Variants in H2BC12 observed in about 807,000 individuals in gnomAD.
The protein encoded by H2BC12 is histone H2B type 1-K.
H2BC12 carries 6 observed loss-of-function variants against 6.3 expected under a neutral mutation model. That is an observed-to-expected ratio of 0.95 (90% CI 0.52 to 1.87). The LOEUF (loss-of-function observed/expected upper bound fraction) is 1.87, where lower values mean the gene tolerates loss of function less well. H2BC12 is among the 40% of genes most tolerant of loss of function. The probability of loss-of-function intolerance (pLI) is 0.01; values close to 1 mark genes in which losing one functional copy is unlikely to be tolerated. For missense variants in H2BC12, 119 were observed against 178.4 expected, an observed-to-expected ratio of 0.67 and a Z score of 1.90; for synonymous variants, 132 against 78.5, an observed-to-expected ratio of 1.68 and a Z score of -3.60.
chr6:27,145,566 C>T (rs185594644), downstream of H2BC12, among the ~76,000 whole-genome samples: 306 of 152,306 alleles, frequency 2.0e-3, 2 homozygotes, highest in African/African-American at 6.7e-3. Flanking sequence ...TGGGGAAGTT[C>T]CCTTCTCCTC....
At chr6:27,146,346 C>G (rs528343118), downstream of H2BC12, 1 of 1,606,580 alleles carries the variant, frequency 6.2e-7, no homozygotes, top group Non-Finnish European at 8.5e-7. Flanking sequence ...GTTTACAGCT[C>G]TAATATCGAT....
the H2BC12 span, chr6:27,139,474 CGCG>C: frequency 6.2e-7 from 1 of 1,614,172 alleles, no homozygotes. Context: ...TGAGGAGACC[CGCG>C]GAGTGTTGAA....
chr6:27,146,716 T>C lies in H2BC12; in HGVS notation c.83A>G (p.Lys28Arg). 6.2e-7 allele frequency: 1 copy of C among 1,614,294 alleles called. No individual in the cohort carries two copies. The change falls in exon 1 of 1, where the codon AAG (lysine) becomes AGG (arginine). Residue 28 changes from lysine (K) to arginine (R), a missense_variant. Lys to Arg is a conservative substitution (Grantham distance 26). Around this residue, in one of 2 missense-constraint regions of H2BC12, gnomAD observed 50 missense variants for 37.4 expected, o/e 1.34. Coordinates refer to ENST00000356950, the MANE Select transcript of H2BC12 (RefSeq NM_001312653.2). ...CTCCTTGCGGCTGCGCTTGCGCTTC[T>C]TGCCGTCCTTCTTCTGCGCCTTAGT... Reference protein sequence around the residue: ...AVTKAQKKDGKKRKRSRKESY... With the variant: ...AVTKAQKKDGRKRKRSRKESY...
downstream of H2BC12, chr6:27,146,275 T>TA (rs1760078524): frequency 1.5e-6 from 2 of 1,376,734 alleles, no homozygotes; most frequent in East Asian, 4.6e-5. Context: ...CTCAGTGTGA[T>TA]AAGATCATGA....
At position 27,146,688 on chromosome 6, in the gene H2BC12, G is replaced by C. The variant is rs751499348; in HGVS notation, c.111C>G (p.Ser37Arg). The C allele has an allele frequency of 6.2e-7, 1 of 1,614,154 alleles. No homozygotes were observed. The highest frequency in any genetic ancestry group is 1.3e-5 in the African/African-American group (1 of 74,958). Residue 37 changes from serine to arginine, a missense_variant, in exon 1 of 1, where the codon AGC becomes AGG. Coordinates refer to ENST00000356950, the MANE Select transcript of H2BC12 (RefSeq NM_001312653.2). ...GCACCTTGTACACGTATACGGAGTA[G>C]CTCTCCTTGCGGCTGCGCTTGCGCT... Reference protein sequence around the residue: ...GKKRKRSRKESYSVYVYKVLK... With the variant: ...GKKRKRSRKERYSVYVYKVLK...
At position 27,146,502 on chromosome 6, in the gene H2BC12, C is replaced by T. The variant is rs1316989988; in HGVS notation, c.297G>A (p.Val99=). Residue 99 remains valine (V), a synonymous_variant, in exon 1 of 1, where the codon GTG becomes GTA. Coordinates refer to ENST00000356950, the MANE Select transcript of H2BC12 (RefSeq NM_001312653.2). ...TITSREIQTA[V]RLLLPGELAK... ...CCAACTCCCCGGGCAGCAGCAGGCGCACGGCCGTCTGGATCTCCCTGGAGG... is the reference window on the plus strand; with the variant it reads ...CCAACTCCCCGGGCAGCAGCAGGCGTACGGCCGTCTGGATCTCCCTGGAGG... 1 of 1,614,140 alleles carries T rather than the reference C, an allele frequency of 6.2e-7. No homozygotes were observed. Among genetic ancestry groups the T allele is most frequent in the African/African-American group, 1.3e-5 (1 of 74,948 alleles).
chr6:27,146,840 G>A lies in H2BC12; in HGVS notation c.-42C>T, dbSNP rs761253090. ...GAGCCTGAGACGAGCAGCAGATCGA[G>A]AAAACGGGAAGTAATGGGAGCAAGG... On this transcript the variant is annotated 5_prime_UTR_variant, in exon 1 of 1. Transcript: ENST00000356950. 6.2e-6 allele frequency: 10 copies of A among 1,602,324 alleles called. No homozygotes were observed. Among genetic ancestry groups the A allele is most frequent in the East Asian group, 2.2e-5 (1 of 44,830 alleles).
downstream of H2BC12, among the ~76,000 whole-genome samples, chr6:27,146,152 A>G (rs1233621474): frequency 6.6e-6 from 1 of 152,226 alleles, no homozygotes; most frequent in Non-Finnish European, 1.5e-5. Flanking sequence ...TTCTGTTAAC[A>G]CAAGTTTCCT....
At chr6:27,138,701 AC>A in the H2BC12 span, 3 of 152,208 alleles carry the variant, frequency 2.0e-5, no homozygotes, top group Non-Finnish European at 4.4e-5. Flanking sequence ...GGGAAGAGAA[AC>A]AGGACAAAGT....
chr6:27,140,871 A>G, the H2BC12 span, among the ~76,000 whole-genome samples: 225 of 151,622 alleles, frequency 1.5e-3, 1 homozygote, highest in Admixed American at 3.1e-3. Context: ...TTTTGTCAGT[A>G]TGTGACAAAT....
chr6:27,139,186 T>G, the H2BC12 span: 1 of 1,070,980 alleles, frequency 9.3e-7, no homozygotes, highest in South Asian at 1.7e-5. Context: ...TTAGGTCCCC[T>G]CCCCCAATGC....
At chr6:27,142,341 C>T (rs990869143), downstream of H2BC12, among the ~76,000 whole-genome samples, 20 of 151,732 alleles carry the variant, frequency 1.3e-4, no homozygotes, top group Non-Finnish European at 1.6e-4. Flanking sequence ...GGTGTGATCT[C>T]GGCTCACTGC....
downstream of H2BC12, among the ~76,000 whole-genome samples, chr6:27,145,564 T>C (rs1458468877): frequency 6.6e-6 from 1 of 152,170 alleles, no homozygotes; most frequent in Non-Finnish European, 1.5e-5. Context: ...GCTGGGGAAG[T>C]TCCCTTCTCC....
chr6:27,140,768 C>T, the H2BC12 span, among the ~76,000 whole-genome samples: 2 of 152,122 alleles, frequency 1.3e-5, no homozygotes, highest in Non-Finnish European at 2.9e-5. Context: ...GAGATTTTCC[C>T]GCTTTCCTCG....
At chr6:27,143,619 T>C (rs1760033746), downstream of H2BC12, among the ~76,000 whole-genome samples, 1 of 150,906 alleles carries the variant, frequency 6.6e-6, no homozygotes, top group Non-Finnish European at 1.5e-5. Context: ...TTAAAGATAC[T>C]AGATAACAGC....
chr6:27,141,533 T>A (rs1398192334), downstream of H2BC12, among the ~76,000 whole-genome samples: 1 of 152,142 alleles, frequency 6.6e-6, no homozygotes, highest in Non-Finnish European at 1.5e-5. Context: ...AATCACACTC[T>A]CTTAGTAGAT....
downstream of H2BC12, among the ~76,000 whole-genome samples, chr6:27,141,763 C>T (rs1247054920): frequency 6.6e-6 from 1 of 152,180 alleles, no homozygotes; most frequent in Non-Finnish European, 1.5e-5. Flanking sequence ...CCTTCCCTGT[C>T]ATTTTTCATG....
downstream of H2BC12, among the ~76,000 whole-genome samples, chr6:27,146,092 A>G (rs560984943): frequency 6.6e-6 from 1 of 152,278 alleles, no homozygotes; most frequent in Admixed American, 6.5e-5. Context: ...AAGTCACAGC[A>G]CTCGACACAA....
the H2BC12 span, chr6:27,139,956 T>G: frequency 3.7e-6 from 1 of 273,050 alleles, no homozygotes; most frequent in Non-Finnish European, 7.4e-6. Flanking sequence ...GATAATTAAC[T>G]TCCCTCTGGA....
Sources: allele counts gnomAD v4.1 joint callset (sites outside exome capture counted in the v4.1 genomes callset), GRCh38; gene constraint gnomAD v4.1.1; regional missense constraint gnomAD v4.1.1; transcripts MANE v1.5; gene names NCBI Gene and HGNC (gene_info 2026-07-23, HGNC 2026-07-21).